Variants in ADCY10 observed in about 807,000 individuals in gnomAD.
ADCY10 encodes adenylate cyclase type 10.
Under a neutral mutation model 183.3 loss-of-function variants are expected in ADCY10, and 156 were observed. The observed-to-expected ratio is 0.85, with a 90% CI of 0.75 to 0.97. The LOEUF is 0.97. ADCY10 is among the 50% of genes least tolerant of loss of function. The pLI is 0.00. For missense variants in ADCY10, 1,745 were observed against 1,934.3 expected (o/e 0.90, Z 1.84); for synonymous variants, 645 against 670.0 (o/e 0.96, Z 0.58).
intron 18 of ADCY10, among the ~76,000 whole-genome samples, chr1:167,851,673 A>C (rs977815375): frequency 2.0e-5 from 3 of 152,080 alleles, no homozygotes; most frequent in African/African-American, 7.2e-5. Flanking sequence ...ATGCAAAAAA[A>C]ATTAGTCAGG....
intron 8 of ADCY10, among the ~76,000 whole-genome samples, chr1:167,886,300 C>T (rs1429619246): frequency 6.6e-6 from 1 of 152,160 alleles, no homozygotes; most frequent in Non-Finnish European, 1.5e-5. Context: ...TCAAACTATA[C>T]TACAAGGCTA....
chr1:167,902,701 T>C (rs1306882900), intron 3 of ADCY10, among the ~76,000 whole-genome samples: 1 of 152,210 alleles, frequency 6.6e-6, no homozygotes, highest in African/African-American at 2.4e-5. Flanking sequence ...ACTAAGGAAC[T>C]CAGAGTCTGA....
intron 18 of ADCY10, among the ~76,000 whole-genome samples, chr1:167,852,464 G>A (rs1665571956): frequency 1.3e-5 from 2 of 151,946 alleles, no homozygotes; most frequent in South Asian, 4.2e-4. Context: ...GCTCATAACG[G>A]ATACTACATA....
chr1:167,847,492 T>G (rs2101977610), intron 19 of ADCY10, among the ~76,000 whole-genome samples: 1 of 152,088 alleles, frequency 6.6e-6, no homozygotes, highest in South Asian at 2.1e-4. Context: ...CTCGGCTCAC[T>G]GCAACCTCCG....
intron 8 of ADCY10, among the ~76,000 whole-genome samples, chr1:167,887,962 A>C (rs1442079754): frequency 6.6e-6 from 1 of 152,166 alleles, no homozygotes; most frequent in Non-Finnish European, 1.5e-5. Context: ...TTTTGTATAT[A>C]GCAAGAGATA....
intron 8 of ADCY10, among the ~76,000 whole-genome samples, chr1:167,888,887 AAAAG>A (rs1201110608): frequency 1.3e-5 from 2 of 151,326 alleles, no homozygotes; most frequent in African/African-American, 2.4e-5. Flanking sequence ...AAAAAAAAAA[AAAAG>A]AAAAAGAAAG....
intron 1 of ADCY10, among the ~76,000 whole-genome samples, chr1:167,910,362 G>A (rs1365981379): frequency 2.6e-5 from 4 of 152,214 alleles, no homozygotes; most frequent in Non-Finnish European, 5.9e-5. Context: ...GGAATGTGAG[G>A]AATGATGGCA....
intron 21 of ADCY10, among the ~76,000 whole-genome samples, chr1:167,842,168 CTT>C (rs944079698): frequency 1.3e-5 from 2 of 152,058 alleles, no homozygotes; most frequent in Non-Finnish European, 2.9e-5. Flanking sequence ...CCAATTATGT[CTT>C]TTTTTTCCCC....
rs776145392 is a variant in ADCY10 at position 167,833,173 on chromosome 1, G to T, written c.3418-11C>A. The stretch of plus-strand genomic sequence containing the variant: ...CATATTGAAACAGACCTACAGGGAG[G>T]TGGGAGGGAAGAGAGGAAAAGAGGA... On this transcript the variant is annotated splice_polypyrimidine_tract_variant and intron_variant, in intron 24 of 32. Transcript: ENST00000367851. The T allele has an allele frequency of 1.2e-6, 2 of 1,613,518 alleles. No homozygotes were observed. The highest frequency in any genetic ancestry group is 1.7e-6 in the Non-Finnish European group (2 of 1,179,586).
At chr1:167,902,080 C>T in intron 3 of ADCY10, 26 bp from the exon 4 acceptor site, 1 of 1,585,764 alleles carries the variant, frequency 6.3e-7, no homozygotes, top group Non-Finnish European at 8.6e-7. Flanking sequence ...AAAATTAAAT[C>T]AAACCCTGAT....
At chr1:167,897,997 C>CAAAAAAAAAAAA (rs1163013935) in intron 6 of ADCY10, among the ~76,000 whole-genome samples, 1 of 17,390 alleles carries the variant, frequency 5.8e-5, no homozygotes, top group African/African-American at 3.1e-4. Context: ...GACTCTGTCT[C>CAAAAAAAAAAAA]AAAAAAAAAA....
At chr1:167,835,147 C>T (rs1368508465) in intron 23 of ADCY10, among the ~76,000 whole-genome samples, 7 of 152,104 alleles carry the variant, frequency 4.6e-5, no homozygotes, top group Non-Finnish European at 2.9e-5. Flanking sequence ...TGGCTGAAGT[C>T]AGATGAAGCA....
chr1:167,866,735 TAAAG>T (rs1270574011), intron 14 of ADCY10, among the ~76,000 whole-genome samples: 1 of 94,680 alleles, frequency 1.1e-5, no homozygotes, highest in Admixed American at 1.1e-4. Context: ...TCCACAGATA[TAAAG>T]AAAGTTCACT....
At chr1:167,819,922 C>G in intron 30 of ADCY10, 1 of 1,068,330 alleles carries the variant, frequency 9.4e-7, no homozygotes, top group Non-Finnish European at 1.4e-6. Context: ...GGCAAAACAT[C>G]TTCTCCAGGC....
chr1:167,902,492 T>C lies in ADCY10; in HGVS notation c.254-438A>G, dbSNP rs115162185. 1.5e-3 allele frequency among the ~76,000 whole-genome samples: 225 copies of C among 152,360 alleles called. 1 individual carries two copies. Among genetic ancestry groups the C allele is most frequent in the African/African-American group, 5.2e-3 (217 of 41,592 alleles). ...ATGGGAAAATCACAACCATAGTCAC[T>C]TGCATTTTTGGTTATTACCAACTTT... On this transcript the variant is annotated intron_variant, in intron 3 of 32. Coordinates refer to ENST00000367851, the MANE Select transcript of ADCY10 (RefSeq NM_018417.6).
intron 23 of ADCY10, 63 bp from the exon 24 acceptor site, chr1:167,834,140 C>T: frequency 7.9e-7 from 1 of 1,258,254 alleles, no homozygotes; most frequent in Non-Finnish European, 1.2e-6. Flanking sequence ...ACAGAAGGGC[C>T]ATTGCCCCAG....
intron 21 of ADCY10, among the ~76,000 whole-genome samples, chr1:167,841,085 C>T (rs1664600259): frequency 6.6e-6 from 1 of 151,920 alleles, no homozygotes; most frequent in African/African-American, 2.4e-5. Flanking sequence ...GGGCTACAGG[C>T]ACCTGCCACC....
At chr1:167,891,916 T>C (rs1043553706) in intron 8 of ADCY10, among the ~76,000 whole-genome samples, 4 of 152,104 alleles carry the variant, frequency 2.6e-5, no homozygotes, top group African/African-American at 9.7e-5. Context: ...GTAATTTTAT[T>C]CTTTTTATAA....
chr1:167,865,551 T>A (rs1666618044), intron 14 of ADCY10, among the ~76,000 whole-genome samples: 1 of 152,178 alleles, frequency 6.6e-6, no homozygotes, highest in Non-Finnish European at 1.5e-5. Context: ...AAGGTAAAAT[T>A]TAGCTTATCT....
Sources: gnomAD v4.1 joint callset for allele counts (sites outside exome capture counted in the v4.1 genomes callset) on GRCh38, gnomAD v4.1.1 for gene constraint, MANE v1.5 for transcripts, NCBI Gene and HGNC (gene_info 2026-07-23, HGNC 2026-07-21) for gene names.